The following ZNF362 variants were observed in gnomAD, a reference collection of about 807,000 sequenced individuals.
ZNF362 encodes rotund homolog.
A neutral mutation model predicts 42.9 loss-of-function variants in ZNF362; 11 were observed. That is an observed-to-expected ratio of 0.26 (90% CI 0.16 to 0.42). The LOEUF (loss-of-function observed/expected upper bound fraction) is 0.42. Among genes scored for constraint, ZNF362 ranks in the 20% least tolerant of loss-of-function variants. The pLI is 1.00. For missense variants in ZNF362, 362 were observed against 576.2 expected (o/e 0.63, Z 3.81); for synonymous variants, 255 against 257.3 (o/e 0.99, Z 0.09).
chr1:33,235,682 G>A, the ZNF362 span, among the ~76,000 whole-genome samples: 14 of 152,188 alleles, frequency 9.2e-5, no homozygotes, highest in Admixed American at 2.6e-4. Context: ...TAGCCCGGAA[G>A]CAGGGTGAGG....
At chr1:33,147,562 C>T in the ZNF362 span, 1 of 1,614,102 alleles carries the variant, frequency 6.2e-7, no homozygotes, top group Admixed American at 1.7e-5. This position sits in a 1 kb window ranked among gnomAD's most constrained non-coding sequence, Gnocchi z 8.1. Context: ...GTGGACGCCA[C>T]TACTGAAGGC....
intron 1 of ZNF362, among the ~76,000 whole-genome samples, chr1:33,258,320 C>T (rs1196227662): frequency 6.6e-6 from 1 of 152,144 alleles, no homozygotes; most frequent in Non-Finnish European, 1.5e-5. Context: ...CAGTGTTGGG[C>T]CTAGCCTCTC....
At chr1:33,297,023 G>A (rs1646129673) in intron 8 of ZNF362, among the ~76,000 whole-genome samples, 2 of 152,114 alleles carry the variant, frequency 1.3e-5, no homozygotes, top group Non-Finnish European at 2.9e-5. Context: ...TGGATCATAG[G>A]TGGGGTTGTT....
the ZNF362 span, chr1:33,165,358 C>T: frequency 3.9e-6 from 4 of 1,016,766 alleles, no homozygotes; most frequent in Non-Finnish European, 5.6e-6. This position sits in a 1 kb window ranked among gnomAD's most constrained non-coding sequence, Gnocchi z 4.0. Flanking sequence ...CTCCTTGAAG[C>T]CAGGTTTCCA....
intron 8 of ZNF362, among the ~76,000 whole-genome samples, chr1:33,298,304 T>C (rs912212931): frequency 6.6e-6 from 1 of 152,182 alleles, no homozygotes; most frequent in Non-Finnish European, 1.5e-5. Flanking sequence ...GAGCTGTGAT[T>C]GTGCCACAGC....
chr1:33,150,289 C>T, the ZNF362 span, among the ~76,000 whole-genome samples: 3 of 151,924 alleles, frequency 2.0e-5, no homozygotes, highest in Non-Finnish European at 2.9e-5. Flanking sequence ...TTGGCTGGAG[C>T]ATTCTCCCTA....
the ZNF362 span, chr1:33,181,949 C>A: frequency 0.012 from 1,852 of 156,010 alleles, 45 homozygotes; most frequent in African/African-American, 0.041. This position sits in a 1 kb window ranked among gnomAD's most constrained non-coding sequence, Gnocchi z 6.5. Context: ...GCCCGCTCAG[C>A]TGCCGGATCC....
the ZNF362 span, among the ~76,000 whole-genome samples, chr1:33,130,335 G>C: frequency 6.6e-6 from 1 of 152,218 alleles, no homozygotes; most frequent in Non-Finnish European, 1.5e-5. Flanking sequence ...TGTTAGAAGT[G>C]ACGGGTTGTC....
the ZNF362 span, among the ~76,000 whole-genome samples, chr1:33,185,370 C>T: frequency 5.9e-4 from 90 of 151,818 alleles, 1 homozygote; most frequent in African/African-American, 2.0e-3. Context: ...TACAGGTGCC[C>T]GCCACCACGC....
At chr1:33,255,243 G>A (rs1645779055), upstream of ZNF362, among the ~76,000 whole-genome samples, 1 of 152,202 alleles carries the variant, frequency 6.6e-6, no homozygotes, top group Non-Finnish European at 1.5e-5. Context: ...TAATAGCTGT[G>A]CTCCAGCCAA....
chr1:33,143,251 C>T, the ZNF362 span: 2 of 152,222 alleles, frequency 1.3e-5, no homozygotes, highest in Non-Finnish European at 2.9e-5. Context: ...ATAGTTACTT[C>T]CACACACGTG....
chr1:33,181,161 C>A, the ZNF362 span: 1 of 1,598,284 alleles, frequency 6.3e-7, no homozygotes, highest in Non-Finnish European at 8.5e-7. This position sits in a 1 kb window ranked among gnomAD's most constrained non-coding sequence, Gnocchi z 6.5. Context: ...CTGGCAGGGT[C>A]GCGCGGCGCG....
the ZNF362 span, among the ~76,000 whole-genome samples, chr1:33,130,560 C>T: frequency 4.1e-3 from 617 of 152,236 alleles, 11 homozygotes; most frequent in African/African-American, 0.014. Flanking sequence ...AGATCCTCCC[C>T]CAGGCAAGCC....
At chr1:33,232,885 C>G in the ZNF362 span, among the ~76,000 whole-genome samples, 471 of 152,318 alleles carry the variant, frequency 3.1e-3, 14 homozygotes, top group East Asian at 0.08. Flanking sequence ...TTCAGTGGTG[C>G]AGAGGTGGAG....
At chr1:33,282,804 A>G (rs550029527) in intron 6 of ZNF362, among the ~76,000 whole-genome samples, 2 of 148,794 alleles carry the variant, frequency 1.3e-5, no homozygotes, top group Non-Finnish European at 3.0e-5. Flanking sequence ...CCTGGATGAC[A>G]AGAGTGAAAC....
At chr1:33,180,463 C>A in the ZNF362 span, among the ~76,000 whole-genome samples, 1 of 152,116 alleles carries the variant, frequency 6.6e-6, no homozygotes, top group South Asian at 2.1e-4. Context: ...CTAACTTATA[C>A]CACTCTATTA....
At chr1:33,190,586 G>A in the ZNF362 span, among the ~76,000 whole-genome samples, 1 of 152,158 alleles carries the variant, frequency 6.6e-6, no homozygotes, top group East Asian at 1.9e-4. Flanking sequence ...TTTGGTTTTA[G>A]GCAATACATT....
the ZNF362 span, chr1:33,145,490 G>C: frequency 6.2e-6 from 1 of 161,374 alleles, no homozygotes; most frequent in East Asian, 1.8e-4. Context: ...GGGTGGCCCA[G>C]ATTCTGGTAG....
rs1433876450 is a variant in ZNF362, at chr1:33,266,147, T to G, written c.-88-4340T>G. Among the ~76,000 whole-genome samples, 2 of 152,182 alleles carry G rather than the reference T, an allele frequency of 1.3e-5. No homozygotes were observed. The highest frequency in any genetic ancestry group is 2.1e-4 in the South Asian group (1 of 4,828). On this transcript the variant is annotated intron_variant, in intron 1 of 8. Transcript: ENST00000539719. This position sits in a 1 kb window ranked among gnomAD's most constrained non-coding sequence, Gnocchi z 4.3. ...TGACTGCAGCAGTAGCTGTTGCCCC[T>G]CTCTGGGGGCAGGGATTATGTTTGA...
Sources: gnomAD v4.1 joint callset for allele counts (sites outside exome capture counted in the v4.1 genomes callset) on GRCh38, gnomAD v4.1.1 for gene constraint, Gnocchi (gnomAD v3.1) non-coding constraint, MANE v1.5 for transcripts, NCBI Gene and HGNC (gene_info 2026-07-23, HGNC 2026-07-21) for gene names.